Variants in RGS6 observed in about 807,000 individuals in gnomAD.
RGS6 encodes the protein regulator of G protein signaling 6.
A neutral mutation model predicts 78.5 loss-of-function variants in RGS6; 30 were observed. The observed-to-expected ratio is 0.38, with a 90% confidence interval of 0.29 to 0.52. RGS6 has a LOEUF of 0.52. Ranked by LOEUF, RGS6 falls within the 20% of genes least tolerant of loss-of-function variation. The probability of loss-of-function intolerance (pLI) is 0.85; values close to 1 mark genes in which losing one functional copy is unlikely to be tolerated. For missense variants in RGS6, 495 were observed against 609.7 expected (o/e 0.81, Z 1.98); for synonymous variants, 206 against 206.0 (o/e 1.00, Z 0.00).
At chr14:72,220,744 C>G (rs847318) in intron 2 of RGS6, among the ~76,000 whole-genome samples, 50,054 of 152,054 alleles carry the variant, frequency 0.33, 9,041 homozygotes, top group South Asian at 0.47. Flanking sequence ...TTTTGACTGG[C>G]CTAAAAGAAT....
At chr14:72,012,081 A>G (rs2085872513) in intron 2 of RGS6, among the ~76,000 whole-genome samples, 1 of 152,216 alleles carries the variant, frequency 6.6e-6, no homozygotes, top group Non-Finnish European at 1.5e-5. Context: ...GAAAACCAAT[A>G]ACAATTATGT....
At chr14:72,574,780 G>A in the RGS6 span, among the ~76,000 whole-genome samples, 1 of 152,218 alleles carries the variant, frequency 6.6e-6, no homozygotes, top group African/African-American at 2.4e-5. Context: ...CACCTGCTGA[G>A]GGTGCAGTGG....
chr14:72,567,472 A>G (rs368574154), downstream of RGS6, among the ~76,000 whole-genome samples: 125 of 152,306 alleles, frequency 8.2e-4, no homozygotes, highest in African/African-American at 3.0e-3. Flanking sequence ...GACCGCCACG[A>G]GCAGGGCTCT....
chr14:72,052,584 G>T (rs1038007729), intron 2 of RGS6, among the ~76,000 whole-genome samples: 1 of 152,184 alleles, frequency 6.6e-6, no homozygotes, highest in Non-Finnish European at 1.5e-5. Context: ...AATCTTCCCT[G>T]CTTAGTGTCT....
intron 3 of RGS6, among the ~76,000 whole-genome samples, chr14:72,382,638 C>A (rs150071101): frequency 6.6e-6 from 1 of 152,184 alleles, no homozygotes; most frequent in Non-Finnish European, 1.5e-5. Flanking sequence ...ATTGAAGACA[C>A]TCATCTTAGC....
the RGS6 span, among the ~76,000 whole-genome samples, chr14:71,919,384 C>T: frequency 0.017 from 2,578 of 152,216 alleles, 58 homozygotes; most frequent in African/African-American, 0.056. Context: ...CTCCCAGTGA[C>T]GGCATTTCTG....
chr14:71,962,311 G>A (rs889730115), intron 1 of RGS6, among the ~76,000 whole-genome samples: 2 of 151,932 alleles, frequency 1.3e-5, no homozygotes, highest in Admixed American at 1.3e-4. Context: ...AGGCCGGGCA[G>A]AGGGAGGCCT....
At chr14:72,523,473 C>CAGT (rs1437508183) in intron 15 of RGS6, among the ~76,000 whole-genome samples, 1 of 152,086 alleles carries the variant, frequency 6.6e-6, no homozygotes, top group Non-Finnish European at 1.5e-5. Flanking sequence ...TATTAGTGCT[C>CAGT]AGTAGCCTGA....
chr14:72,471,658 G>A (rs1413981440), intron 8 of RGS6, among the ~76,000 whole-genome samples: 2 of 152,304 alleles, frequency 1.3e-5, no homozygotes, highest in African/African-American at 4.8e-5. Context: ...TGCCATTGCT[G>A]TGAACCTCCC....
intron 2 of RGS6, among the ~76,000 whole-genome samples, chr14:72,042,163 T>TGTTGCCCAG (rs1261314754): frequency 6.6e-6 from 1 of 150,432 alleles, no homozygotes; most frequent in Non-Finnish European, 1.5e-5. Context: ...AGTCTTATTC[T>TGTTGCCCAG]GTTGCCCAGG....
chr14:72,161,434 T>C (rs2096851721), intron 2 of RGS6, among the ~76,000 whole-genome samples: 1 of 152,140 alleles, frequency 6.6e-6, no homozygotes. Context: ...GCACAGACTT[T>C]TGCTTGCGTT....
chr14:72,059,639 A>G (rs1596833320), intron 2 of RGS6, among the ~76,000 whole-genome samples: 1 of 152,074 alleles, frequency 6.6e-6, no homozygotes, highest in African/African-American at 2.4e-5. Context: ...CTAGGTTCCT[A>G]TGTTGAAGCC....
intron 2 of RGS6, among the ~76,000 whole-genome samples, chr14:72,092,427 G>A (rs1416620521): frequency 6.6e-6 from 1 of 151,970 alleles, no homozygotes; most frequent in Non-Finnish European, 1.5e-5. Context: ...TGTCATCCAG[G>A]CTGGAGTGCA....
At chr14:72,572,495 C>T in the RGS6 span, among the ~76,000 whole-genome samples, 2 of 152,200 alleles carry the variant, frequency 1.3e-5, no homozygotes, top group Admixed American at 6.5e-5. Flanking sequence ...ATACACATCA[C>T]AACATGGATG....
the RGS6 span, among the ~76,000 whole-genome samples, chr14:71,872,896 G>GT: frequency 6.6e-6 from 1 of 152,110 alleles, no homozygotes; most frequent in Admixed American, 6.5e-5. Flanking sequence ...GCGGTGTTTG[G>GT]TTTTTTGTCC....
intron 12 of RGS6, among the ~76,000 whole-genome samples, chr14:72,491,944 C>T (rs76689096): frequency 0.043 from 6,592 of 152,256 alleles, 449 homozygotes; most frequent in African/African-American, 0.15. Flanking sequence ...CCACCTACCA[C>T]CACTGCAGGA....
chr14:72,442,521 C>T (rs2095242396), intron 3 of RGS6, among the ~76,000 whole-genome samples: 1 of 152,126 alleles, frequency 6.6e-6, no homozygotes, highest in South Asian at 2.1e-4. Context: ...TCTGGTGCAC[C>T]AGTTTAAGGA....
chr14:72,409,506 A>G (rs2093224973), intron 3 of RGS6, among the ~76,000 whole-genome samples: 1 of 151,378 alleles, frequency 6.6e-6, no homozygotes, highest in African/African-American at 2.4e-5. Flanking sequence ...CCCAATTAAA[A>G]TTTTTTTAAC....
intron 2 of RGS6, among the ~76,000 whole-genome samples, chr14:72,120,354 G>A (rs973521797): frequency 1.3e-5 from 2 of 152,320 alleles, no homozygotes; most frequent in South Asian, 2.1e-4. Context: ...AGCAGTTCTT[G>A]TGGAATCATG....
Sources: allele counts gnomAD v4.1 joint callset (sites outside exome capture counted in the v4.1 genomes callset), GRCh38; gene constraint gnomAD v4.1.1; transcripts MANE v1.5; gene names NCBI Gene and HGNC (gene_info 2026-07-23, HGNC 2026-07-21).